Variants in TP63 observed in about 807,000 individuals in gnomAD.
TP63 encodes the protein tumor protein 63.
A neutral mutation model predicts 82.8 loss-of-function variants in TP63; 17 were observed. The ratio of observed to expected loss-of-function variants is 0.21; its 90% CI spans 0.14 to 0.31. The LOEUF (loss-of-function observed/expected upper bound fraction) is 0.31, where lower values mean the gene tolerates loss of function less well. TP63 is among the 10% of genes least tolerant of loss of function. The pLI is 1.00. For synonymous variants in TP63, 330 were observed against 321.7 expected (o/e 1.03, Z -0.28); for missense variants, 648 against 895.3 (o/e 0.72, Z 3.52).
At chr3:189,779,509 T>C (rs1724064093) in intron 3 of TP63, among the ~76,000 whole-genome samples, 1 of 152,170 alleles carries the variant, frequency 6.6e-6, no homozygotes, top group Non-Finnish European at 1.5e-5. Flanking sequence ...GGGAGCCATT[T>C]GTGTCCACAG....
At chr3:189,737,156 G>A (rs1181960559) in intron 1 of TP63, among the ~76,000 whole-genome samples, 1 of 152,062 alleles carries the variant, frequency 6.6e-6, no homozygotes, top group Non-Finnish European at 1.5e-5. Context: ...CACACATCAA[G>A]GTAAGCAACT....
intron 1 of TP63, among the ~76,000 whole-genome samples, chr3:189,705,434 T>A (rs928602326): frequency 6.6e-6 from 1 of 152,190 alleles, no homozygotes; most frequent in Non-Finnish European, 1.5e-5. Flanking sequence ...TTTTTCATTC[T>A]TATTCATTTC....
intron 3 of TP63, among the ~76,000 whole-genome samples, chr3:189,804,214 C>T (rs1318457691): frequency 6.6e-6 from 1 of 152,178 alleles, no homozygotes; most frequent in East Asian, 1.9e-4. Flanking sequence ...CAGCATATTA[C>T]ACATTTCTCT....
intron 3 of TP63, among the ~76,000 whole-genome samples, chr3:189,778,004 C>T (rs769294655): frequency 6.6e-5 from 10 of 151,642 alleles, no homozygotes; most frequent in Non-Finnish European, 1.2e-4. Flanking sequence ...TACAGGCATG[C>T]GCCATCACAT....
chr3:189,893,130 CA>C (rs150429533), intron 13 of TP63, among the ~76,000 whole-genome samples: 1 of 152,024 alleles, frequency 6.6e-6, no homozygotes, highest in South Asian at 2.1e-4. Flanking sequence ...CCATAACATG[CA>C]AAAATGAGGT....
At chr3:189,886,940 GGCTCACGACT>G (rs1560302602) in intron 11 of TP63, among the ~76,000 whole-genome samples, 1 of 152,144 alleles carries the variant, frequency 6.6e-6, no homozygotes, top group Admixed American at 6.5e-5. Context: ...CGGGCATGGT[GGCTCACGACT>G]GCAATCCTAG....
intron 10 of TP63, 136 bp downstream of exon 10, chr3:189,873,131 G>A (rs1718642094): frequency 1.5e-6 from 2 of 1,372,416 alleles, no homozygotes; most frequent in Non-Finnish European, 2.1e-6. Context: ...GACCTGGTAT[G>A]GCAACCCTCT....
At chr3:189,833,754 A>C (rs1034475918) in intron 4 of TP63, among the ~76,000 whole-genome samples, 1 of 151,952 alleles carries the variant, frequency 6.6e-6, no homozygotes, top group Non-Finnish European at 1.5e-5. Flanking sequence ...AAAACATTTA[A>C]TTAAGACAGC....
intron 1 of TP63, among the ~76,000 whole-genome samples, chr3:189,656,324 A>C (rs751248115): frequency 6.6e-6 from 1 of 152,146 alleles, no homozygotes; most frequent in Non-Finnish European, 1.5e-5. Flanking sequence ...TGCATATTTC[A>C]ACTCTAAATC....
chr3:189,747,528 A>T (rs1016334313), intron 3 of TP63, among the ~76,000 whole-genome samples: 1 of 152,110 alleles, frequency 6.6e-6, no homozygotes, highest in African/African-American at 2.4e-5. Flanking sequence ...AAATTTCTTG[A>T]AACAAATGAA....
intron 1 of TP63, chr3:189,645,358 C>T (rs118009480): frequency 1.9e-6 from 1 of 533,090 alleles, no homozygotes; most frequent in East Asian, 3.1e-5. Context: ...GTAAGCAGAA[C>T]TGTACTGGGT....
At chr3:189,719,139 G>A (rs775155007) in intron 1 of TP63, among the ~76,000 whole-genome samples, 11 of 152,100 alleles carry the variant, frequency 7.2e-5, no homozygotes, top group African/African-American at 2.4e-4. Context: ...ATAGACGCAC[G>A]AAGGAAAAAC....
chr3:189,703,930 A>G (rs998182440), intron 1 of TP63, among the ~76,000 whole-genome samples: 1 of 152,212 alleles, frequency 6.6e-6, no homozygotes, highest in Non-Finnish European at 1.5e-5. Flanking sequence ...TCAGTGAGAT[A>G]GCCTCAAGTT....
chr3:189,886,681 T>G (rs903789412), intron 11 of TP63, 130 bp downstream of exon 11: 5 of 1,338,036 alleles, frequency 3.7e-6, no homozygotes, highest in Non-Finnish European at 5.1e-6. Context: ...CAAAGTGGAG[T>G]GGCTTGGGTT....
intron 3 of TP63, among the ~76,000 whole-genome samples, chr3:189,777,768 C>G (rs75942752): frequency 9.6e-6 from 1 of 104,466 alleles, no homozygotes; most frequent in Non-Finnish European, 2.0e-5. Context: ...TTTTTTTTTT[C>G]TTTTAAGTGT....
intron 4 of TP63, among the ~76,000 whole-genome samples, chr3:189,843,378 G>A (rs1208528130): frequency 6.6e-6 from 1 of 152,216 alleles, no homozygotes; most frequent in Non-Finnish European, 1.5e-5. Flanking sequence ...GGAAGAATGT[G>A]CCGCTCCCAG....
the TP63 span, among the ~76,000 whole-genome samples, chr3:189,616,544 G>A: frequency 2.6e-5 from 4 of 152,178 alleles, no homozygotes; most frequent in Non-Finnish European, 5.9e-5. Context: ...TCTTAGAAGT[G>A]AAGTAGGGAA....
intron 4 of TP63, among the ~76,000 whole-genome samples, chr3:189,852,354 T>C (rs1317104776): frequency 3.9e-5 from 6 of 152,256 alleles, no homozygotes; most frequent in Admixed American, 3.9e-4. Context: ...CAGGTTTCAA[T>C]TGTCTGCTGA....
chr3:189,647,958 C>G (rs933789883), intron 1 of TP63, among the ~76,000 whole-genome samples: 19 of 138,660 alleles, frequency 1.4e-4, no homozygotes, highest in African/African-American at 4.5e-4. Flanking sequence ...GACTGTATTT[C>G]GTAACTAAGA....
Sources: gnomAD v4.1 joint callset for allele counts (sites outside exome capture counted in the v4.1 genomes callset) on GRCh38, gnomAD v4.1.1 for gene constraint, MANE v1.5 for transcripts, NCBI Gene and HGNC (gene_info 2026-07-23, HGNC 2026-07-21) for gene names.